Variants in PTER observed in about 807,000 individuals in gnomAD.
PTER encodes phosphotriesterase related, also known as N-acetyltaurine hydrolase.
A neutral mutation model predicts 29.6 loss-of-function variants in PTER; 38 were observed. That is an observed-to-expected ratio of 1.28 (90% CI 0.99 to 1.68). The LOEUF is 1.68. PTER is among the 40% of genes most tolerant of loss of function. The pLI is 0.00. For missense variants in PTER, 482 were observed against 427.8 expected, an observed-to-expected ratio of 1.13 and a Z score of -1.12; for synonymous variants, 172 against 154.5, an observed-to-expected ratio of 1.11 and a Z score of -0.84.
At chr10:16,458,090 C>G (rs1834477546) in intron 1 of PTER, among the ~76,000 whole-genome samples, 1 of 152,092 alleles carries the variant, frequency 6.6e-6, no homozygotes. Context: ...TGTCAGCAAA[C>G]AGAAAGAAAA....
At chr10:16,502,011 T>A (rs1836369512) in intron 3 of PTER, among the ~76,000 whole-genome samples, 1 of 152,242 alleles carries the variant, frequency 6.6e-6, no homozygotes, top group East Asian at 1.9e-4. Flanking sequence ...CAATTGGAGC[T>A]AAGGCTAAAG....
chr10:16,439,302 G>GAAGGA (rs1833767256), intron 1 of PTER, among the ~76,000 whole-genome samples: 1 of 152,132 alleles, frequency 6.6e-6, no homozygotes, highest in South Asian at 2.1e-4. Flanking sequence ...CCTTCCCTGT[G>GAAGGA]AAGGACAGAA....
At chr10:16,498,639 G>C (rs1233921699) in intron 3 of PTER, among the ~76,000 whole-genome samples, 3 of 152,170 alleles carry the variant, frequency 2.0e-5, no homozygotes, top group Admixed American at 6.5e-5. Flanking sequence ...AATGCAGAAT[G>C]AGGAAAACTG....
At chr10:16,507,918 A>G (rs1481429867) in intron 4 of PTER, among the ~76,000 whole-genome samples, 1 of 152,200 alleles carries the variant, frequency 6.6e-6, no homozygotes, top group African/African-American at 2.4e-5. Context: ...GTTAGTTTAT[A>G]CTCAGAGGAG....
downstream of PTER, among the ~76,000 whole-genome samples, chr10:16,517,003 C>T (rs977103329): frequency 1.3e-5 from 2 of 152,206 alleles, no homozygotes; most frequent in African/African-American, 4.8e-5. Flanking sequence ...AAAGATATAA[C>T]AGGACTTGAA....
chr10:16,447,573 G>A (rs755571678), intron 1 of PTER, among the ~76,000 whole-genome samples: 24 of 151,890 alleles, frequency 1.6e-4, no homozygotes, highest in Non-Finnish European at 2.8e-4. Context: ...TAGCATTAAG[G>A]ACAATTTTTT....
At chr10:16,493,762 CAGAA>C (rs1222481036) in intron 3 of PTER, among the ~76,000 whole-genome samples, 2 of 151,894 alleles carry the variant, frequency 1.3e-5, no homozygotes, top group Admixed American at 6.6e-5. Flanking sequence ...AAAAAGGAAA[CAGAA>C]AGAAATCCAG....
chr10:16,503,824 A>G (rs977467331), intron 3 of PTER, among the ~76,000 whole-genome samples: 1 of 152,174 alleles, frequency 6.6e-6, no homozygotes, highest in Non-Finnish European at 1.5e-5. Flanking sequence ...GAGCCACCGC[A>G]CCCTGCCACA....
intron 1 of PTER, among the ~76,000 whole-genome samples, 192 bp from the exon 2 acceptor site, chr10:16,484,145 C>G (rs564689353): frequency 4.6e-5 from 7 of 152,066 alleles, no homozygotes; most frequent in Admixed American, 6.6e-5. Context: ...CAATTAACAC[C>G]ACGCACGTCA....
At chr10:16,499,808 T>A (rs141627248) in intron 3 of PTER, among the ~76,000 whole-genome samples, 16 of 152,262 alleles carry the variant, frequency 1.1e-4, no homozygotes, top group African/African-American at 3.9e-4. Context: ...TATCAATAAA[T>A]GTCAGTTAAA....
rs554458107 is a variant in PTER at position 16,505,198 on chromosome 10, C to T, written c.839+38C>T. On this transcript the variant is annotated intron_variant, in intron 4 of 4. Transcript: ENST00000535784. Reference sequence around the variant, plus strand: ...AAGCCTCTCATAGCATTCCCTTTCCCTAGCCCTTTTTGATTGTCATATCTA... The same window carrying T: ...AAGCCTCTCATAGCATTCCCTTTCCTTAGCCCTTTTTGATTGTCATATCTA... 2.4e-5 allele frequency: 39 copies of T among 1,605,514 alleles called. No individual in the cohort carries two copies. In the South Asian group the frequency reaches 4.3e-4, roughly 18 times the overall value.
chr10:16,447,676 G>C (rs1001447920), intron 1 of PTER, among the ~76,000 whole-genome samples: 2 of 152,002 alleles, frequency 1.3e-5, no homozygotes, highest in African/African-American at 4.8e-5. Context: ...TACTATCTCT[G>C]ACTATAAGGT....
Position 16,511,114 on chromosome 10 carries a change from C to G in PTER, c.908C>G (p.Thr303Ser). The change falls in exon 5 of 5, where the codon ACC (threonine) becomes AGC (serine). Residue 303 changes from threonine (T) to serine (S), a missense_variant. Transcript: ENST00000535784. ...GTAGCACATGACATACATACGAAAA[C>G]CCGGCTGATGAAATATGGAGGTCAC... ...ILVAHDIHTK[T>S]RLMKYGGHGY... 1 of 1,614,082 alleles carries G rather than the reference C, an allele frequency of 6.2e-7. No individual in the cohort carries two copies.
chr10:16,512,370 C>T lies in PTER; in HGVS notation c.*1114C>T, dbSNP rs1836847959. 1.3e-5 allele frequency: 2 copies of T among 152,160 alleles called. No homozygotes were observed. Among genetic ancestry groups the T allele is most frequent in the South Asian group, 4.1e-4 (2 of 4,826 alleles). 9.4% of individuals were successfully genotyped at this position (152,160 alleles called of 1,614,324 possible). Reference sequence around the variant, plus strand: ...GGTACCTAAAAATATTCTCCAAACCCTTGCTGCCAGTTCCTCTTTGATAAA... The same window carrying T: ...GGTACCTAAAAATATTCTCCAAACCTTTGCTGCCAGTTCCTCTTTGATAAA... On this transcript the variant is annotated 3_prime_UTR_variant, in exon 5 of 5. Transcript: ENST00000535784.
At chr10:16,509,339 C>T (rs76738662) in intron 4 of PTER, among the ~76,000 whole-genome samples, 1,827 of 152,210 alleles carry the variant, frequency 0.012, 23 homozygotes, top group African/African-American at 0.042. Context: ...TAAGGATTCC[C>T]GGTTTTAAGT....
At chr10:16,499,816 A>T (rs868775546) in intron 3 of PTER, among the ~76,000 whole-genome samples, 1 of 152,106 alleles carries the variant, frequency 6.6e-6, no homozygotes, top group Non-Finnish European at 1.5e-5. Flanking sequence ...AATGTCAGTT[A>T]AAAAATCAGA....
intron 3 of PTER, among the ~76,000 whole-genome samples, chr10:16,503,322 T>C (rs9665500): frequency 0.067 from 10,197 of 151,428 alleles, 680 homozygotes; most frequent in African/African-American, 0.16. Context: ...CACTTCCTGG[T>C]TTCAAGTGAT....
intron 3 of PTER, among the ~76,000 whole-genome samples, chr10:16,492,869 A>G (rs1306711336): frequency 6.6e-6 from 1 of 152,246 alleles, no homozygotes; most frequent in Non-Finnish European, 1.5e-5. Flanking sequence ...AAAGACAACA[A>G]GAGGGAAACA....
intron 1 of PTER, among the ~76,000 whole-genome samples, chr10:16,445,707 C>G (rs1347553049): frequency 1.3e-5 from 2 of 152,204 alleles, no homozygotes; most frequent in East Asian, 3.9e-4. Context: ...TGCACTGATG[C>G]ACCATGCGTG....
Sources: allele counts gnomAD v4.1 joint callset (sites outside exome capture counted in the v4.1 genomes callset), GRCh38; gene constraint gnomAD v4.1.1; transcripts MANE v1.5; gene names NCBI Gene and HGNC (gene_info 2026-07-23, HGNC 2026-07-21).